Variants in GPHN observed in about 807,000 individuals in gnomAD.
The protein encoded by GPHN is gephyrin.
In GPHN, 17 loss-of-function variants were observed where a neutral mutation model predicts 95.5. The observed-to-expected ratio is 0.18, with a 90% CI of 0.12 to 0.27. GPHN has a LOEUF of 0.27. GPHN is among the 10% of genes least tolerant of loss of function. The pLI is 1.00. For synonymous variants in GPHN, 320 were observed against 322.5 expected, an observed-to-expected ratio of 0.99 and a Z score of 0.08; for missense variants, 660 against 978.1, an observed-to-expected ratio of 0.67 and a Z score of 4.34.
intron 1 of GPHN, among the ~76,000 whole-genome samples, chr14:66,526,468 T>C (rs1018922608): frequency 2.6e-5 from 4 of 152,228 alleles, no homozygotes; most frequent in Admixed American, 6.5e-5. Context: ...GAATACACTT[T>C]ATTGCTTTCT....
intron 2 of GPHN, among the ~76,000 whole-genome samples, chr14:66,766,055 A>G (rs1399883853): frequency 1.3e-5 from 2 of 152,206 alleles, no homozygotes; most frequent in Non-Finnish European, 2.9e-5. Flanking sequence ...TCTTGGGAGA[A>G]CAGAATAGAA....
chr14:67,454,981 CTGGGATTACAGGCA>C, the GPHN span, among the ~76,000 whole-genome samples: 1 of 152,134 alleles, frequency 6.6e-6, no homozygotes, highest in East Asian at 1.9e-4. Context: ...TCCCACGTAA[CTGGGATTACAGGCA>C]TGCACCACTA....
At chr14:66,509,646 T>C (rs974914221) in intron 1 of GPHN, among the ~76,000 whole-genome samples, 1 of 152,148 alleles carries the variant, frequency 6.6e-6, no homozygotes, top group African/African-American at 2.4e-5. Context: ...GAACTATATT[T>C]GGAATCTGAG....
At chr14:67,679,454 A>C in the GPHN span, among the ~76,000 whole-genome samples, 2 of 144,348 alleles carry the variant, frequency 1.4e-5, no homozygotes, top group African/African-American at 5.3e-5. Context: ...CCCAGGCTGG[A>C]GTGCAGTGAT....
the GPHN span, chr14:67,279,187 T>C: frequency 4.4e-6 from 7 of 1,597,098 alleles, no homozygotes; most frequent in Non-Finnish European, 5.1e-6. Context: ...ACATCCCATA[T>C]GAATGGGCAT....
chr14:66,986,197 A>G (rs111230941), intron 9 of GPHN, among the ~76,000 whole-genome samples: 4 of 151,914 alleles, frequency 2.6e-5, no homozygotes. Flanking sequence ...AAAAGTTATT[A>G]TGAGTTAACA....
chr14:67,472,079 G>A, the GPHN span: 3 of 152,106 alleles, frequency 2.0e-5, no homozygotes, highest in Non-Finnish European at 4.4e-5. Flanking sequence ...GAGTGTGGCA[G>A]GGTTAATACT....
chr14:67,480,324 A>G, the GPHN span, among the ~76,000 whole-genome samples: 5 of 152,240 alleles, frequency 3.3e-5, no homozygotes, highest in South Asian at 6.2e-4. Context: ...ATCGGGTGGC[A>G]ATAATAACCC....
intron 17 of GPHN, among the ~76,000 whole-genome samples, chr14:67,128,995 G>T (rs1356235134): frequency 2.6e-5 from 4 of 151,510 alleles, no homozygotes; most frequent in Admixed American, 2.0e-4. Flanking sequence ...CGTATTTTTA[G>T]TAAAGACAGG....
chr14:66,875,519 G>A (rs950585609), intron 4 of GPHN, among the ~76,000 whole-genome samples: 3 of 152,086 alleles, frequency 2.0e-5, no homozygotes, highest in Non-Finnish European at 2.9e-5. Context: ...CTGATCTCAC[G>A]TGCAAAGACA....
At chr14:66,780,308 T>G (rs1390826995) in intron 3 of GPHN, among the ~76,000 whole-genome samples, 1 of 152,120 alleles carries the variant, frequency 6.6e-6, no homozygotes, top group Non-Finnish European at 1.5e-5. Context: ...GATATTAAGG[T>G]TTGTCCTCAT....
intron 11 of GPHN, among the ~76,000 whole-genome samples, chr14:67,082,159 A>T (rs1280535774): frequency 6.6e-6 from 1 of 152,040 alleles, no homozygotes; most frequent in Non-Finnish European, 1.5e-5. Context: ...TTTTGATGCA[A>T]ATTACATTGA....
chr14:66,794,484 C>T (rs2153473335), intron 3 of GPHN, among the ~76,000 whole-genome samples: 1 of 152,102 alleles, frequency 6.6e-6, no homozygotes, highest in East Asian at 1.9e-4. Context: ...TTCTTTATAG[C>T]AATATGAGAA....
At chr14:67,657,026 T>G in the GPHN span, 3 of 152,984 alleles carry the variant, frequency 2.0e-5, no homozygotes, top group Admixed American at 6.5e-5. Context: ...TAGAAAAAGG[T>G]TAATTCACTG....
In GPHN at chr14:66,545,211, A is replaced by AC. The variant is rs537758341; in HGVS notation, c.64+36627dup. ...GAGCGGCTGGCCGGGCGGGGGGCTG[A>AC]CCCCCCCACCTCCCTCCCGGACGGG... On this transcript the variant is annotated intron_variant, in intron 1 of 22. Transcript: ENST00000478722. 3.0e-4 allele frequency among the ~76,000 whole-genome samples: 43 copies of AC among 141,070 alleles called. No individual in the cohort carries two copies. In the South Asian group the frequency reaches 6.3e-3, roughly 21 times the overall value. The allele number at this position is 141,070 out of a possible 152,430, so 92.5% of individuals were successfully genotyped here.
the GPHN span, among the ~76,000 whole-genome samples, chr14:67,295,849 CACT>C: frequency 4.6e-5 from 7 of 152,144 alleles, no homozygotes; most frequent in African/African-American, 2.4e-5. Context: ...CCAGCAATTT[CACT>C]TGTAGGTATA....
intron 1 of GPHN, among the ~76,000 whole-genome samples, chr14:66,679,262 G>A (rs1389393111): frequency 2.6e-5 from 4 of 152,148 alleles, no homozygotes; most frequent in Non-Finnish European, 5.9e-5. Context: ...TAAACATATT[G>A]TCCCATTGTC....
chr14:67,440,409 G>GA, the GPHN span, among the ~76,000 whole-genome samples: 2 of 151,188 alleles, frequency 1.3e-5, no homozygotes, highest in Admixed American at 6.6e-5. Flanking sequence ...CTCCCCCACC[G>GA]AAAAAAAAAT....
the GPHN span, chr14:67,204,827 C>T: frequency 2.5e-5 from 41 of 1,613,942 alleles, no homozygotes; most frequent in African/African-American, 8.0e-5. Context: ...ATCCTGACCC[C>T]GTACATGTAT....
Sources: allele counts gnomAD v4.1 joint callset (sites outside exome capture counted in the v4.1 genomes callset), GRCh38; gene constraint gnomAD v4.1.1; transcripts MANE v1.5; gene names NCBI Gene and HGNC (gene_info 2026-07-23, HGNC 2026-07-21).